The following ATP9B variants were observed in gnomAD, a reference collection of about 807,000 sequenced individuals.
ATP9B encodes ATPase phospholipid transporting 9B.
Under a neutral mutation model 146.1 loss-of-function variants are expected in ATP9B, and 110 were observed. The ratio of observed to expected loss-of-function variants is 0.75; its 90% CI spans 0.65 to 0.88. ATP9B has a LOEUF of 0.88. Ranked by LOEUF, ATP9B falls within the 40% of genes least tolerant of loss-of-function variation. ATP9B has a pLI of 0.00. For missense variants in ATP9B, 1,499 were observed against 1,496.4 expected (o/e 1.00, Z -0.03); for synonymous variants, 604 against 569.7 (o/e 1.06, Z -0.86).
chr18:79,365,328 A>G (rs2097019973), intron 26 of ATP9B, among the ~76,000 whole-genome samples: 1 of 152,150 alleles, frequency 6.6e-6, no homozygotes, highest in South Asian at 2.1e-4. Flanking sequence ...CACCCGTGCT[A>G]GAACAGCCGA....
rs150481617 is a variant in ATP9B at position 79,307,228 on chromosome 18, G to C, written c.1767G>C (p.Pro589=). The C allele has an allele frequency of 1.4e-5, 22 of 1,614,030 alleles. No individual in the cohort carries two copies. Among genetic ancestry groups the C allele is most frequent in the Admixed American group, 3.3e-5 (2 of 60,004 alleles). The change falls in exon 15 of 30, where the codon CCG becomes CCC. Residue 589 remains proline (P), a synonymous_variant. Coordinates refer to ENST00000426216, the MANE Select transcript of ATP9B (RefSeq NM_198531.5). ...DENRTYQASS[P]DEVALVQWTE... ...ATCGCACCTACCAGGCTTCCAGCCCGGATGAGGTCAGTCAAAGCACAAAAC... is the reference window on the plus strand; with the variant it reads ...ATCGCACCTACCAGGCTTCCAGCCCCGATGAGGTCAGTCAAAGCACAAAAC...
intron 7 of ATP9B, among the ~76,000 whole-genome samples, chr18:79,155,479 T>C (rs563600804): frequency 5.9e-5 from 9 of 152,340 alleles, no homozygotes; most frequent in Non-Finnish European, 1.3e-4. Context: ...GCACACGTTT[T>C]CATCATCTCT....
At chr18:79,298,477 C>G (rs1320544426) in intron 13 of ATP9B, among the ~76,000 whole-genome samples, 2 of 146,930 alleles carry the variant, frequency 1.4e-5, no homozygotes, top group African/African-American at 5.0e-5. Flanking sequence ...GAAATAAACA[C>G]AGTGATTTTG....
intron 11 of ATP9B, among the ~76,000 whole-genome samples, chr18:79,219,562 AATTAC>A (rs2095659046): frequency 6.6e-6 from 1 of 152,118 alleles, no homozygotes; most frequent in African/African-American, 2.4e-5. Flanking sequence ...AATCATATAG[AATTAC>A]ATGGCCACCA....
chr18:79,105,589 G>T (rs2075598810), intron 2 of ATP9B, among the ~76,000 whole-genome samples: 1 of 152,128 alleles, frequency 6.6e-6, no homozygotes, highest in African/African-American at 2.4e-5. Context: ...TTAAAACTTT[G>T]AATCTTTTTC....
At chr18:79,305,060 C>T (rs112319043) in intron 14 of ATP9B, among the ~76,000 whole-genome samples, 2,211 of 152,264 alleles carry the variant, frequency 0.015, 24 homozygotes, top group Middle Eastern at 0.034. Context: ...GTACACAGCC[C>T]ACCCTGGGAG....
chr18:79,070,519 C>G (rs2071604977), intron 1 of ATP9B, among the ~76,000 whole-genome samples: 1 of 152,146 alleles, frequency 6.6e-6, no homozygotes, highest in South Asian at 2.1e-4. Flanking sequence ...GTAAGGTGCC[C>G]TTTTTTCAGT....
chr18:79,207,037 T>G lies in ATP9B; in HGVS notation c.1030+25T>G, dbSNP rs961282889. On this transcript the variant is annotated intron_variant, in intron 10 of 29. Transcript: ENST00000426216. ...GGTAAGGAAAACATTCTCCTCTGAG[T>G]GTGATTGCTCCCGGATAGATGATGC... is the stretch of plus-strand genomic sequence containing the variant. 5.0e-6 allele frequency: 8 copies of G among 1,600,054 alleles called. No individual in the cohort carries two copies. In the African/African-American group the frequency reaches 1.1e-4, roughly 21 times the overall value.
At chr18:79,130,578 G>T (rs1470996410) in intron 5 of ATP9B, among the ~76,000 whole-genome samples, 1 of 152,006 alleles carries the variant, frequency 6.6e-6, no homozygotes, top group Non-Finnish European at 1.5e-5. Context: ...TTTGATAAAA[G>T]ACATTAATCT....
chr18:79,147,413 A>C (rs1488754612), intron 6 of ATP9B, among the ~76,000 whole-genome samples: 1 of 152,234 alleles, frequency 6.6e-6, no homozygotes, highest in Non-Finnish European at 1.5e-5. Context: ...TGTCTATAGA[A>C]CATTCACCAA....
At chr18:79,157,463 T>C (rs2094812788) in intron 7 of ATP9B, among the ~76,000 whole-genome samples, 1 of 148,720 alleles carries the variant, frequency 6.7e-6, no homozygotes, top group South Asian at 2.2e-4. Flanking sequence ...CTTTTTCTTG[T>C]GTTATTTTTG....
intron 9 of ATP9B, among the ~76,000 whole-genome samples, chr18:79,199,107 A>C (rs956618995): frequency 1.3e-5 from 2 of 151,964 alleles, no homozygotes; most frequent in African/African-American, 4.8e-5. Context: ...ACGCACTGCC[A>C]CGCCGGGCTA....
At chr18:79,335,319 C>T (rs1486376536) in intron 17 of ATP9B, among the ~76,000 whole-genome samples, 1 of 152,206 alleles carries the variant, frequency 6.6e-6, no homozygotes, top group East Asian at 1.9e-4. Flanking sequence ...ATGTGTGTCA[C>T]TGGTATGAGC....
At chr18:79,309,678 G>A (rs1037051219) in intron 15 of ATP9B, among the ~76,000 whole-genome samples, 1 of 151,564 alleles carries the variant, frequency 6.6e-6, no homozygotes, top group Non-Finnish European at 1.5e-5. Flanking sequence ...TAGAAGGTCA[G>A]GGGCGGAGGA....
chr18:79,211,762 TTTG>T (rs1275612972), intron 10 of ATP9B, among the ~76,000 whole-genome samples: 4 of 152,132 alleles, frequency 2.6e-5, no homozygotes, highest in African/African-American at 9.7e-5. Flanking sequence ...TAAGAACTGG[TTTG>T]TTGTTGTGGT....
chr18:79,164,060 A>G (rs573225977), intron 7 of ATP9B, among the ~76,000 whole-genome samples: 2 of 152,198 alleles, frequency 1.3e-5, no homozygotes, highest in East Asian at 3.9e-4. Context: ...CTGGGACTAC[A>G]GGTGCTTGCT....
intron 12 of ATP9B, among the ~76,000 whole-genome samples, chr18:79,265,428 G>GCCA (rs1555796656): frequency 6.6e-6 from 1 of 152,168 alleles, no homozygotes; most frequent in Non-Finnish European, 1.5e-5. Flanking sequence ...ACAAGCGTGA[G>GCCA]CCACCACGCC....
intron 1 of ATP9B, among the ~76,000 whole-genome samples, chr18:79,092,372 T>G (rs1599469968): frequency 6.6e-6 from 1 of 152,290 alleles, no homozygotes; most frequent in East Asian, 1.9e-4. Context: ...ATTGTGTATC[T>G]GTGTATCTAA....
intron 2 of ATP9B, among the ~76,000 whole-genome samples, chr18:79,106,826 T>C (rs1415463662): frequency 6.6e-6 from 1 of 152,222 alleles, no homozygotes; most frequent in Admixed American, 6.5e-5. Flanking sequence ...TTCATGTAGT[T>C]GCTGACAGTG....
Sources: gnomAD v4.1 joint callset for allele counts (sites outside exome capture counted in the v4.1 genomes callset) on GRCh38, gnomAD v4.1.1 for gene constraint, MANE v1.5 for transcripts, NCBI Gene and HGNC (gene_info 2026-07-23, HGNC 2026-07-21) for gene names.